EXT2: variants seen among roughly 807,000 people sequenced by gnomAD.
EXT2 encodes exostosin-2.
In EXT2, 53 loss-of-function variants were observed where a neutral mutation model predicts 81.6. The observed-to-expected ratio is 0.65, with a 90% CI of 0.52 to 0.82. The LOEUF (loss-of-function observed/expected upper bound fraction) is 0.82. EXT2 is among the 40% of genes least tolerant of loss of function. The pLI, the probability that EXT2 is intolerant of heterozygous loss-of-function variation, is 0.00. For missense variants in EXT2, 774 were observed against 910.2 expected, an observed-to-expected ratio of 0.85 and a Z score of 1.93; for synonymous variants, 320 against 340.0, an observed-to-expected ratio of 0.94 and a Z score of 0.65.
intron 8 of EXT2, among the ~76,000 whole-genome samples, chr11:44,191,928 C>T (rs1405105562): frequency 6.6e-6 from 1 of 152,140 alleles, no homozygotes; most frequent in Non-Finnish European, 1.5e-5. Flanking sequence ...ATTTATGACT[C>T]TTTGAAATAG....
In EXT2 at chr11:44,236,114, C is replaced by T. The variant is rs117782883; in HGVS notation, c.1936-179C>T. On this transcript the variant is annotated intron_variant, in intron 12 of 13. Transcript: ENST00000533608. Reference sequence around the variant, plus strand: ...CTTTTTTATTGGGCCCTTGTGAGTTCTGCCGTTGGCTGAGCCAGACAGAGT... The same window carrying T: ...CTTTTTTATTGGGCCCTTGTGAGTTTTGCCGTTGGCTGAGCCAGACAGAGT... Among the ~76,000 whole-genome samples, 1,079 of 152,280 alleles carry T rather than the reference C, an allele frequency of 7.1e-3. 8 individuals carry two copies. The highest frequency in any genetic ancestry group is 0.01 in the Non-Finnish European group (713 of 68,020).
At chr11:44,222,713 A>G (rs1955794951) in intron 10 of EXT2, among the ~76,000 whole-genome samples, 2 of 152,168 alleles carry the variant, frequency 1.3e-5, no homozygotes, top group Admixed American at 1.3e-4. Flanking sequence ...TTCAGACTCT[A>G]GGGCTAGGCA....
chr11:44,130,990 A>G (rs1590576214), intron 7 of EXT2, among the ~76,000 whole-genome samples: 1 of 152,190 alleles, frequency 6.6e-6, no homozygotes, highest in Non-Finnish European at 1.5e-5. Flanking sequence ...CTGGATGGGG[A>G]CAGCGCATCT....
chr11:44,193,808 T>A lies in EXT2; in HGVS notation c.1306-4021T>A, dbSNP rs561024575. On this transcript the variant is annotated intron_variant, in intron 8 of 13. Coordinates refer to ENST00000533608, the MANE Select transcript of EXT2 (RefSeq NM_207122.2). ...TCCATACCCCCCATGCTGCCTTCCC[T>A]GCTTCTCCAGTACTCAAGCCCTATT... 2.6e-4 allele frequency among the ~76,000 whole-genome samples: 40 copies of A among 152,320 alleles called. 2 individuals carry two copies. The highest frequency in any genetic ancestry group is 6.8e-3 in the Middle Eastern group (2 of 294).
intron 7 of EXT2, among the ~76,000 whole-genome samples, chr11:44,164,326 G>C (rs902656880): frequency 6.6e-6 from 1 of 151,782 alleles, no homozygotes; most frequent in Non-Finnish European, 1.5e-5. Context: ...CCTTCATCTT[G>C]GTCATCTTTG....
chr11:44,163,754 G>C (rs75724333), intron 7 of EXT2, among the ~76,000 whole-genome samples: 2,657 of 152,306 alleles, frequency 0.017, 81 homozygotes, highest in African/African-American at 0.061. Flanking sequence ...CATTTGCTAA[G>C]AGGGAGAAGA....
intron 10 of EXT2, among the ~76,000 whole-genome samples, chr11:44,209,573 A>G (rs962945158): frequency 2.6e-5 from 4 of 152,200 alleles, no homozygotes; most frequent in African/African-American, 9.6e-5. Flanking sequence ...TCATGCAGAA[A>G]TTGGGAGCAG....
At chr11:44,126,763 T>TAGTG in intron 5 of EXT2, 53 bp from the exon 6 acceptor site, 1 of 1,613,558 alleles carries the variant, frequency 6.2e-7, no homozygotes, top group South Asian at 1.1e-5. Context: ...GGATCAAAGT[T>TAGTG]AGTGGATCAG....
chr11:44,137,683 T>C (rs1401341879), intron 7 of EXT2, among the ~76,000 whole-genome samples: 1 of 152,218 alleles, frequency 6.6e-6, no homozygotes, highest in Admixed American at 6.5e-5. Context: ...TGTAGTATAG[T>C]CACTCATCTT....
At chr11:44,214,621 CTTG>C (rs1402454388) in intron 10 of EXT2, among the ~76,000 whole-genome samples, 9 of 152,084 alleles carry the variant, frequency 5.9e-5, no homozygotes, top group Admixed American at 2.0e-4. Context: ...GTAATATTCT[CTTG>C]TTGTTTAAAG....
At chr11:44,109,922 A>G (rs1475153470) in intron 3 of EXT2, among the ~76,000 whole-genome samples, 1 of 152,174 alleles carries the variant, frequency 6.6e-6, no homozygotes, top group Non-Finnish European at 1.5e-5. Flanking sequence ...AGATTTTGGT[A>G]TGAGCTTTCT....
At chr11:44,100,465 G>A (rs1953965637) in intron 1 of EXT2, among the ~76,000 whole-genome samples, 1 of 152,172 alleles carries the variant, frequency 6.6e-6, no homozygotes, top group African/African-American at 2.4e-5. Flanking sequence ...TCAGGTGGAA[G>A]GAAAAGCATT....
chr11:44,242,074 A>G (rs529091889), intron 13 of EXT2, among the ~76,000 whole-genome samples: 5 of 152,200 alleles, frequency 3.3e-5, no homozygotes, highest in African/African-American at 1.2e-4. Context: ...TACAGAGGAG[A>G]CATTGTCCTC....
intron 8 of EXT2, among the ~76,000 whole-genome samples, chr11:44,175,287 T>C (rs966533436): frequency 4.6e-5 from 7 of 152,188 alleles, no homozygotes; most frequent in Non-Finnish European, 7.3e-5. Context: ...GGGAATTTGG[T>C]TGCATGAGGA....
intron 8 of EXT2, among the ~76,000 whole-genome samples, chr11:44,178,433 A>C (rs915446875): frequency 1.3e-5 from 2 of 152,092 alleles, no homozygotes; most frequent in African/African-American, 4.8e-5. Context: ...CTTGGATTAG[A>C]GGCATCCAGA....
chr11:44,210,887 C>G (rs1220728605), intron 10 of EXT2, among the ~76,000 whole-genome samples: 1 of 152,060 alleles, frequency 6.6e-6, no homozygotes, highest in African/African-American at 2.4e-5. Flanking sequence ...TAAATTCTTC[C>G]CAAATTGTAT....
intron 12 of EXT2, 127 bp downstream of exon 12, chr11:44,234,370 A>C: frequency 1.1e-6 from 1 of 928,584 alleles, no homozygotes; most frequent in Admixed American, 2.1e-5. Flanking sequence ...TTTTAGTTTA[A>C]GGTTCTATGA....
chr11:44,170,247 A>G (rs1430533841), intron 7 of EXT2, among the ~76,000 whole-genome samples: 1 of 152,234 alleles, frequency 6.6e-6, no homozygotes, highest in Admixed American at 6.5e-5. Flanking sequence ...ATTAAACAAT[A>G]TACAAAGGAA....
chr11:44,113,620 C>T (rs1026660707), intron 3 of EXT2, among the ~76,000 whole-genome samples: 12 of 152,066 alleles, frequency 7.9e-5, no homozygotes, highest in Non-Finnish European at 1.0e-4. Flanking sequence ...CAGTGAGAGC[C>T]GGTGGAGGCT....
Sources: gnomAD v4.1 joint callset for allele counts (sites outside exome capture counted in the v4.1 genomes callset) on GRCh38, gnomAD v4.1.1 for gene constraint, MANE v1.5 for transcripts, NCBI Gene and HGNC (gene_info 2026-07-23, HGNC 2026-07-21) for gene names.